The following HERPUD2 variants were observed in gnomAD, a reference collection of about 807,000 sequenced individuals.
HERPUD2 encodes HERPUD family member 2.
HERPUD2 carries 13 observed loss-of-function variants against 49.9 expected under a neutral mutation model. The ratio of observed to expected loss-of-function variants is 0.26; its 90% CI spans 0.17 to 0.41. HERPUD2 has a LOEUF of 0.41. HERPUD2 is among the 10% of genes least tolerant of loss of function. The probability of loss-of-function intolerance (pLI) is 1.00; values close to 1 mark genes in which losing one functional copy is unlikely to be tolerated. For synonymous variants in HERPUD2, 172 were observed against 171.4 expected, an observed-to-expected ratio of 1.00 and a Z score of -0.03; for missense variants, 449 against 492.2, an observed-to-expected ratio of 0.91 and a Z score of 0.83.
intron 6 of HERPUD2, among the ~76,000 whole-genome samples, chr7:35,637,160 A>AAGAAAGAAAGAAAGATAGAT (rs1554311472): frequency 1.2e-4 from 17 of 144,080 alleles, no homozygotes; most frequent in Admixed American, 2.8e-4. Context: ...GAAAGAAAGA[A>AAGAAAGAAAGAAAGATAGAT]AGATAGATAG....
chr7:35,634,398 C>G lies in HERPUD2; in HGVS notation c.973G>C (p.Glu325Gln). ...HQAGWFPFRQ[E>Q]GGHQQAPNNN... The stretch of plus-strand genomic sequence containing the variant: ...TTGGGAGCCTGCTGATGACCTCCTT[C>G]TTGCCTAAAAGGAAACCATCCAGCT... The change falls in exon 8 of 9, where the codon GAA (glutamate) becomes CAA (glutamine). Residue 325 changes from glutamate to glutamine, a missense_variant. Transcript: ENST00000311350. 6.2e-7 allele frequency: 1 copy of G among 1,613,414 alleles called. No individual in the cohort carries two copies. Among genetic ancestry groups the G allele is most frequent in the Non-Finnish European group, 8.5e-7 (1 of 1,179,402 alleles).
rs1244822047 is a variant in HERPUD2, at chr7:35,670,288, C to T, written c.266G>A (p.Arg89Gln). 5.1e-6 allele frequency: 8 copies of T among 1,583,066 alleles called. No homozygotes were observed. Among genetic ancestry groups the T allele is most frequent in the South Asian group, 3.4e-5 (3 of 87,408 alleles). The change falls in exon 4 of 9, where the codon CGG becomes CAG. Residue 89 changes from arginine (R) to glutamine (Q), a missense_variant. Transcript: ENST00000311350. ...YHMVHLVCTSRTPPSSPKSST... is the reference protein window; with the variant it reads ...YHMVHLVCTSQTPPSSPKSST... ...GGATTTTGGAGAACTGGGAGGAGTC[C>T]GAGAAGTACATACTAGATGAACCAT...
chr7:35,694,178 A>G lies in HERPUD2; in HGVS notation c.147+6T>C. The G allele has an allele frequency of 1.2e-6, 2 of 1,614,058 alleles. No homozygotes were observed. The highest frequency in any genetic ancestry group is 1.7e-6 in the Non-Finnish European group (2 of 1,179,990). On this transcript the variant is annotated splice_donor_region_variant and intron_variant, in intron 2 of 8. Transcript: ENST00000311350. Reference sequence around the variant, plus strand: ...GAGCAGCTGCCCCCAGCTTTTACACACTTACTGGTTTGCTAGGGTAAACGT... The same window carrying G: ...GAGCAGCTGCCCCCAGCTTTTACACGCTTACTGGTTTGCTAGGGTAAACGT...
Position 35,634,365 on chromosome 7 carries a change from C to T in HERPUD2, c.1006G>A (p.Ala336Thr). Residue 336 changes from alanine to threonine, a missense_variant, in exon 8 of 9, where the codon GCC (alanine) becomes ACC (threonine). Ala to Thr is a moderately conservative substitution (Grantham distance 58). Coordinates refer to ENST00000311350, the MANE Select transcript of HERPUD2 (RefSeq NM_022373.5). Reference protein sequence around the residue: ...GGHQQAPNNNAEVNNDGQNAN... With the variant: ...GGHQQAPNNNTEVNNDGQNAN... ...TTTTGCCCATCATTGTTAACTTCGGCATTATTGTTGGGAGCCTGCTGATGA... is the reference window on the plus strand; with the variant it reads ...TTTTGCCCATCATTGTTAACTTCGGTATTATTGTTGGGAGCCTGCTGATGA... The T allele has an allele frequency of 6.2e-7, 1 of 1,614,024 alleles. No homozygotes were observed. The highest frequency in any genetic ancestry group is 1.3e-5 in the African/African-American group (1 of 75,044).
At chr7:35,665,201 G>A (rs1462058254) in intron 5 of HERPUD2, among the ~76,000 whole-genome samples, 2 of 152,214 alleles carry the variant, frequency 1.3e-5, no homozygotes, top group African/African-American at 4.8e-5. Context: ...GTTCAGCTAT[G>A]CCCTGCCCCT....
intron 5 of HERPUD2, among the ~76,000 whole-genome samples, chr7:35,663,594 G>T (rs1583555246): frequency 6.6e-6 from 1 of 152,220 alleles, no homozygotes; most frequent in African/African-American, 2.4e-5. Context: ...TCCTGTATTG[G>T]GTGCATATAT....
intron 6 of HERPUD2, among the ~76,000 whole-genome samples, chr7:35,636,374 A>G (rs1784871435): frequency 6.6e-6 from 1 of 152,242 alleles, no homozygotes. Context: ...TTGTACCTGT[A>G]TAGGGCTTTT....
At chr7:35,693,913 G>C (rs184445866) in intron 2 of HERPUD2, among the ~76,000 whole-genome samples, 1 of 152,260 alleles carries the variant, frequency 6.6e-6, no homozygotes, top group African/African-American at 2.4e-5. Context: ...TGGGATTACA[G>C]GTGTGAGCCA....
At chr7:35,687,395 C>A (rs1786086721) in intron 2 of HERPUD2, among the ~76,000 whole-genome samples, 1 of 152,184 alleles carries the variant, frequency 6.6e-6, no homozygotes, top group Non-Finnish European at 1.5e-5. Flanking sequence ...CTATCAGGTT[C>A]ACTACTTTCA....
rs1001637716 is a variant in HERPUD2 at position 35,673,356 on chromosome 7, T to C, written c.148-78A>G. On this transcript the variant is annotated intron_variant, in intron 2 of 8. Coordinates refer to ENST00000311350, the MANE Select transcript of HERPUD2 (RefSeq NM_022373.5). ...AGGTTGGGAATAACATGCCTAATTA[T>C]GGGTAAAATAAAACTCCCTTTAGGC... 1.5e-5 allele frequency: 16 copies of C among 1,081,512 alleles called. No individual in the cohort carries two copies. The African/African-American group carries it at 1.6e-4, about 11-fold the overall frequency. The allele number at this position is 1,081,512 out of a possible 1,614,324, so 67.0% of individuals were successfully genotyped here.
chr7:35,647,190 T>C (rs1037387051), intron 5 of HERPUD2, among the ~76,000 whole-genome samples: 3 of 152,270 alleles, frequency 2.0e-5, no homozygotes, highest in African/African-American at 7.2e-5. Context: ...AGCAACCTCA[T>C]GGAATCCCCA....
At position 35,694,363 on chromosome 7, in the gene HERPUD2, G is replaced by A. The variant is rs1185552633; in HGVS notation, c.-33C>T. The A allele has an allele frequency of 1.2e-6, 2 of 1,613,598 alleles. No individual in the cohort carries two copies. Among genetic ancestry groups the A allele is most frequent in the Non-Finnish European group, 8.5e-7 (1 of 1,179,644 alleles). On this transcript the variant is annotated 5_prime_UTR_variant, in exon 2 of 9. Transcript: ENST00000311350. ...CCAAAGTCAGACAGAGTCCAGAGGA[G>A]CGGCAGTTAAGCCCAAAAGAGCCGA...
In HERPUD2 at chr7:35,694,998, C is replaced by G. The variant is rs1354497558; in HGVS notation, c.-495G>C. Reference sequence around the variant, plus strand: ...CTGACCGAAGGCGCGGCCCGGCTCTCCGCCTGACCCCTCAGTCTGGACAGC... The same window carrying G: ...CTGACCGAAGGCGCGGCCCGGCTCTGCGCCTGACCCCTCAGTCTGGACAGC... On this transcript the variant is annotated 5_prime_UTR_variant, in exon 1 of 9. Transcript: ENST00000311350. The G allele has an allele frequency of 2.0e-5, 3 of 152,038 alleles. No homozygotes were observed. Among genetic ancestry groups the G allele is most frequent in the Admixed American group, 2.0e-4 (3 of 15,248 alleles). The allele number at this position is 152,038 out of a possible 1,614,324, so 9.4% of individuals were successfully genotyped here.
At chr7:35,635,108 C>A in intron 7 of HERPUD2, 27 bp downstream of exon 7, 1 of 1,573,314 alleles carries the variant, frequency 6.4e-7, no homozygotes, top group Non-Finnish European at 8.7e-7. Flanking sequence ...GAAATTAAAC[C>A]ACAAAAAGTT....
chr7:35,633,768 T>G lies in HERPUD2; in HGVS notation c.1143A>C (p.Leu381Phe). Residue 381 changes from leucine (L) to phenylalanine (F), a missense_variant, in exon 9 of 9, where the codon TTA becomes TTC. By Grantham distance (22) the Leu-to-Phe change is conservative (BLOSUM62 0). Coordinates refer to ENST00000311350, the MANE Select transcript of HERPUD2 (RefSeq NM_022373.5). The stretch of plus-strand genomic sequence containing the variant: ...TGATGAAAGACCAAGCTGAAGCCAT[T>G]AATCCAGGCCTTTGAATTGCACTGG... ...EDASAIQRPG[L>F]MASAWSFITT... is the part of the protein sequence containing the mutation. 1 of 1,614,088 alleles carries G rather than the reference T, an allele frequency of 6.2e-7. No individual in the cohort carries two copies. The highest frequency in any genetic ancestry group is 8.5e-7 in the Non-Finnish European group (1 of 1,179,972).
chr7:35,681,750 C>A (rs764056722), intron 2 of HERPUD2, among the ~76,000 whole-genome samples: 21 of 151,692 alleles, frequency 1.4e-4, no homozygotes, highest in Non-Finnish European at 2.6e-4. Flanking sequence ...CCATATGATT[C>A]TTTTTATATG....
intron 5 of HERPUD2, among the ~76,000 whole-genome samples, chr7:35,638,967 G>A (rs989159160): frequency 6.6e-6 from 1 of 151,542 alleles, no homozygotes; most frequent in Non-Finnish European, 1.5e-5. Context: ...AAAATATTCT[G>A]TAAAGAGACA....
Position 35,635,428 on chromosome 7 carries a change from T to C in HERPUD2, c.648A>G (p.Ser216=), listed in dbSNP as rs1350106708. The C allele has an allele frequency of 1.2e-6, 2 of 1,613,908 alleles. No homozygotes were observed. The highest frequency in any genetic ancestry group is 1.7e-6 in the Non-Finnish European group (2 of 1,179,950). Residue 216 remains serine, a synonymous_variant, in exon 7 of 9, where the codon TCA becomes TCG. Transcript: ENST00000311350. ...TAGTAGGCTGGGTTGGGTTGACATT[T>C]GATGTGGCCTGAGCTGAAACTGCAG... ...YQAAVSAQAT[S]NVNPTQPTTS... is the part of the protein sequence containing the mutation.
rs970534801 is a variant in HERPUD2, at chr7:35,685,844, T to C, written c.147+8340A>G. Among the ~76,000 whole-genome samples the C allele has an allele frequency of 1.8e-4, 28 of 151,846 alleles. 1 individual carries two copies. Among genetic ancestry groups the C allele is most frequent in the African/African-American group, 5.8e-4 (24 of 41,448 alleles). On this transcript the variant is annotated intron_variant, in intron 2 of 8. Transcript: ENST00000311350. Reference sequence around the variant, plus strand: ...AAATACGTGGCAGCAGCAGGTGTGGTGGCAGGTGTGGAAGGCTGAGGCTGG... The same window carrying C: ...AAATACGTGGCAGCAGCAGGTGTGGCGGCAGGTGTGGAAGGCTGAGGCTGG...
Sources: allele counts gnomAD v4.1 joint callset (sites outside exome capture counted in the v4.1 genomes callset), GRCh38; gene constraint gnomAD v4.1.1; transcripts MANE v1.5; gene names NCBI Gene and HGNC (gene_info 2026-07-23, HGNC 2026-07-21).